RAB11FIP3: variants seen among roughly 807,000 people sequenced by gnomAD.
The protein encoded by RAB11FIP3 is rab11 family-interacting protein 3.
In RAB11FIP3, 17 loss-of-function variants were observed where a neutral mutation model predicts 77.8. The observed-to-expected ratio is 0.22, with a 90% CI of 0.15 to 0.33. The LOEUF (loss-of-function observed/expected upper bound fraction) is 0.33, where lower values mean the gene tolerates loss of function less well. Ranked by LOEUF, RAB11FIP3 falls within the 10% of genes least tolerant of loss-of-function variation. The pLI, the probability that RAB11FIP3 is intolerant of heterozygous loss-of-function variation, is 1.00. For missense variants in RAB11FIP3, 1,005 were observed against 1,011.2 expected, an observed-to-expected ratio of 0.99 and a Z score of 0.08; for synonymous variants, 437 against 448.2, an observed-to-expected ratio of 0.98 and a Z score of 0.31.
chr16:489,205 A>C lies in RAB11FIP3; in HGVS notation c.1265+205A>C, dbSNP rs912058563. The stretch of plus-strand genomic sequence containing the variant: ...GTCCCTCTTCTCCAGCCACATCCCC[A>C]GATCACTCTACATTTCTGAGGCTTC... On this transcript the variant is annotated intron_variant, in intron 5 of 13. Coordinates refer to ENST00000262305, the MANE Select transcript of RAB11FIP3 (RefSeq NM_014700.4). The C allele has an allele frequency of 8.2e-5, 53 of 642,788 alleles. 1 individual carries two copies. Among genetic ancestry groups the C allele is most frequent in the East Asian group, 7.8e-4 (27 of 34,698 alleles). The allele number at this position is 642,788 out of a possible 1,614,324, so 39.8% of individuals were successfully genotyped here. A position where few individuals can be genotyped will look rare whatever the true frequency, so the allele number is the denominator to read the frequency against.
intron 8 of RAB11FIP3, among the ~76,000 whole-genome samples, chr16:510,237 C>T (rs1190553653): frequency 1.3e-5 from 2 of 151,598 alleles, no homozygotes; most frequent in Admixed American, 6.6e-5. Flanking sequence ...GGCACCTCCA[C>T]GCCCCGTCCC....
At chr16:436,828 C>CA (rs2055138193) in intron 1 of RAB11FIP3, among the ~76,000 whole-genome samples, 1 of 152,120 alleles carries the variant, frequency 6.6e-6, no homozygotes, top group Non-Finnish European at 1.5e-5. Flanking sequence ...CCCCTGGCCT[C>CA]AAGCAGTCCT....
At chr16:462,707 G>T (rs1418444761) in intron 2 of RAB11FIP3, among the ~76,000 whole-genome samples, 1 of 55,588 alleles carries the variant, frequency 1.8e-5, no homozygotes, top group Non-Finnish European at 3.3e-5. Flanking sequence ...CCCCGGCACC[G>T]TCCCTTCCCC....
At chr16:500,742 C>T (rs1397016822) in intron 6 of RAB11FIP3, among the ~76,000 whole-genome samples, 5 of 150,646 alleles carry the variant, frequency 3.3e-5, no homozygotes, top group African/African-American at 4.9e-5. Flanking sequence ...AATAAGCAGC[C>T]GCATGACCCA....
At chr16:499,803 A>T (rs2031391054) in intron 6 of RAB11FIP3, among the ~76,000 whole-genome samples, 1 of 151,678 alleles carries the variant, frequency 6.6e-6, no homozygotes, top group Non-Finnish European at 1.5e-5. Flanking sequence ...CTCAAAAAAA[A>T]AAAAAAAAAA....
chr16:431,239 A>C (rs915027687), intron 1 of RAB11FIP3, among the ~76,000 whole-genome samples: 2 of 152,060 alleles, frequency 1.3e-5, no homozygotes, highest in African/African-American at 2.4e-5. Flanking sequence ...TGAGCAGGTG[A>C]GTGTATGTAT....
At chr16:443,194 A>G (rs2055255128) in intron 1 of RAB11FIP3, among the ~76,000 whole-genome samples, 2 of 152,238 alleles carry the variant, frequency 1.3e-5, no homozygotes, top group African/African-American at 2.4e-5. Flanking sequence ...TCTCTTGCAG[A>G]CTAAGAAATA....
intron 1 of RAB11FIP3, among the ~76,000 whole-genome samples, chr16:459,550 C>T (rs1354444524): frequency 1.3e-5 from 2 of 151,788 alleles, no homozygotes; most frequent in African/African-American, 4.8e-5. Flanking sequence ...GATTCTCCAG[C>T]TTCAGCCTCC....
chr16:432,933 A>C (rs2055062014), intron 1 of RAB11FIP3, among the ~76,000 whole-genome samples: 1 of 145,528 alleles, frequency 6.9e-6, no homozygotes, highest in Non-Finnish European at 1.5e-5. Flanking sequence ...TGATAGAAAT[A>C]TTTGTACATA....
At chr16:442,888 C>T (rs888311379) in intron 1 of RAB11FIP3, among the ~76,000 whole-genome samples, 5 of 152,126 alleles carry the variant, frequency 3.3e-5, no homozygotes, top group East Asian at 1.9e-4. Context: ...ATTTTTTTCC[C>T]GCTTGTTTAC....
At chr16:432,341 C>T (rs1025496123) in intron 1 of RAB11FIP3, among the ~76,000 whole-genome samples, 6 of 152,158 alleles carry the variant, frequency 3.9e-5, no homozygotes, top group African/African-American at 1.4e-4. Context: ...CTTGCCATTG[C>T]ACTCCAGCCT....
intron 6 of RAB11FIP3, among the ~76,000 whole-genome samples, chr16:501,814 C>A (rs2031546190): frequency 1.3e-5 from 2 of 150,436 alleles, no homozygotes; most frequent in Non-Finnish European, 3.0e-5. Context: ...AGAGGGTCCC[C>A]CCATTTCACA....
At chr16:490,425 A>G (rs1380030874) in intron 5 of RAB11FIP3, among the ~76,000 whole-genome samples, 1 of 152,180 alleles carries the variant, frequency 6.6e-6, no homozygotes, top group African/African-American at 2.4e-5. Context: ...GGAGTGGTGC[A>G]ATCATGGCTC....
chr16:436,623 A>G (rs1396589267), intron 1 of RAB11FIP3, among the ~76,000 whole-genome samples: 4 of 152,118 alleles, frequency 2.6e-5, no homozygotes, highest in Non-Finnish European at 5.9e-5. Flanking sequence ...CTGGGACTAT[A>G]AATGCCTGCC....
chr16:427,194 A>G (rs981149771), intron 1 of RAB11FIP3, among the ~76,000 whole-genome samples: 9 of 152,224 alleles, frequency 5.9e-5, no homozygotes, highest in South Asian at 2.1e-4. Context: ...ATAGACACCT[A>G]TTTTGAGTAC....
At position 450,939 on chromosome 16, in the gene RAB11FIP3, C is replaced by T. The variant is rs1454232597; in HGVS notation, c.715-10465C>T. On this transcript the variant is annotated intron_variant, in intron 1 of 13. Coordinates refer to ENST00000262305, the MANE Select transcript of RAB11FIP3 (RefSeq NM_014700.4). ...CCAGACCTGAAGTGCAGGAAGGAGCCCCGCGGCCTTCTGTTACCGCAGCGC... is the reference window on the plus strand; with the variant it reads ...CCAGACCTGAAGTGCAGGAAGGAGCTCCGCGGCCTTCTGTTACCGCAGCGC... Among the ~76,000 whole-genome samples the T allele has an allele frequency of 2.0e-5, 3 of 150,612 alleles. No homozygotes were observed. The Admixed American group carries it at 2.0e-4, about 10-fold the overall frequency.
chr16:455,301 G>A (rs1430408260), intron 1 of RAB11FIP3, among the ~76,000 whole-genome samples: 1 of 151,210 alleles, frequency 6.6e-6, no homozygotes, highest in Non-Finnish European at 1.5e-5. Context: ...CCAACATGGC[G>A]AAACCCCGTC....
chr16:513,194 G>A (rs1596300050), intron 9 of RAB11FIP3, among the ~76,000 whole-genome samples: 1 of 152,298 alleles, frequency 6.6e-6, no homozygotes, highest in East Asian at 1.9e-4. Flanking sequence ...TGAGGGTGGA[G>A]GAAGTTGTTT....
chr16:450,906 T>A, intron 1 of RAB11FIP3, among the ~76,000 whole-genome samples: 1 of 140,936 alleles, frequency 7.1e-6, no homozygotes, highest in Non-Finnish European at 1.5e-5. Flanking sequence ...CACCTGCTTC[T>A]CCAGGGACCA....
Sources: allele counts gnomAD v4.1 joint callset (sites outside exome capture counted in the v4.1 genomes callset), GRCh38; gene constraint gnomAD v4.1.1; transcripts MANE v1.5; gene names NCBI Gene and HGNC (gene_info 2026-07-23, HGNC 2026-07-21).